ESR1: variants seen among roughly 807,000 people sequenced by gnomAD.
ESR1 encodes the protein estrogen receptor.
A neutral mutation model predicts 52.7 loss-of-function variants in ESR1; 12 were observed. That is an observed-to-expected ratio of 0.23 (90% CI 0.15 to 0.37). The LOEUF (loss-of-function observed/expected upper bound fraction) is 0.37, where lower values mean the gene tolerates loss of function less well. Ranked by LOEUF, ESR1 falls within the 10% of genes least tolerant of loss-of-function variation. The pLI, the probability that ESR1 is intolerant of heterozygous loss-of-function variation, is 1.00. For missense variants in ESR1, 584 were observed against 779.7 expected, an observed-to-expected ratio of 0.75 and a Z score of 2.99; for synonymous variants, 305 against 316.8, an observed-to-expected ratio of 0.96 and a Z score of 0.39.
At chr6:151,688,000 T>C (rs561853308), upstream of ESR1, among the ~76,000 whole-genome samples, 219 of 152,328 alleles carry the variant, frequency 1.4e-3, no homozygotes, top group African/African-American at 5.1e-3. Flanking sequence ...TCATTTAAAT[T>C]GTTGTTTTCT....
At chr6:151,960,374 C>G (rs143751635) in intron 4 of ESR1, among the ~76,000 whole-genome samples, 2 of 152,300 alleles carry the variant, frequency 1.3e-5, no homozygotes, top group Non-Finnish European at 2.9e-5. Flanking sequence ...GAGCTGGAGA[C>G]AGCAGTGCCA....
chr6:151,907,871 A>C (rs918512530), intron 3 of ESR1, among the ~76,000 whole-genome samples: 1 of 152,210 alleles, frequency 6.6e-6, no homozygotes, highest in Non-Finnish European at 1.5e-5. Context: ...CAAGCATCAC[A>C]AACTGTGATA....
At position 151,827,305 on chromosome 6, in the gene ESR1, G is replaced by A. The variant is rs1024207903; in HGVS notation, c.453-15292G>A. ...GTCCAGGAGGTGGAGGTTGCAGTGA[G>A]CTGAGATCATGTCAGGGTGACAGAG... On this transcript the variant is annotated intron_variant, in intron 1 of 7. Coordinates refer to ENST00000206249, the MANE Select transcript of ESR1 (RefSeq NM_000125.4). Among the ~76,000 whole-genome samples the A allele has an allele frequency of 2.4e-4, 36 of 147,168 alleles. 1 individual carries two copies. The highest frequency in any genetic ancestry group is 1.3e-4 in the Non-Finnish European group (9 of 67,402).
chr6:151,971,412 T>A (rs188474270), intron 4 of ESR1, among the ~76,000 whole-genome samples: 1 of 152,194 alleles, frequency 6.6e-6, no homozygotes, highest in Non-Finnish European at 1.5e-5. Context: ...ACCCATAGCT[T>A]AGCTCCCACT....
chr6:152,043,088 C>T (rs1208363122), intron 5 of ESR1, among the ~76,000 whole-genome samples: 1 of 152,158 alleles, frequency 6.6e-6, no homozygotes, highest in Non-Finnish European at 1.5e-5. Flanking sequence ...TCTGTACTCT[C>T]CCAGCTGGGA....
At chr6:151,992,334 A>T (rs1448486353) in intron 4 of ESR1, among the ~76,000 whole-genome samples, 1 of 152,096 alleles carries the variant, frequency 6.6e-6, no homozygotes, top group Non-Finnish European at 1.5e-5. Context: ...TCCTGCCCTC[A>T]GCCTCAGGAA....
upstream of ESR1, among the ~76,000 whole-genome samples, chr6:151,687,827 A>G (rs1410617442): frequency 6.6e-6 from 1 of 152,210 alleles, no homozygotes; most frequent in Non-Finnish European, 1.5e-5. Flanking sequence ...TTAAAAAAAT[A>G]AAGATGTAGT....
At chr6:151,683,261 G>C (rs776963013) in intron 1 of ESR1, among the ~76,000 whole-genome samples, 1 of 152,150 alleles carries the variant, frequency 6.6e-6, no homozygotes, top group South Asian at 2.1e-4. Flanking sequence ...TGTAGAGGGA[G>C]GTTTACAAGC....
intron 2 of ESR1, among the ~76,000 whole-genome samples, chr6:151,731,339 C>T (rs1782221920): frequency 6.6e-6 from 1 of 150,418 alleles, no homozygotes; most frequent in Non-Finnish European, 1.5e-5. Flanking sequence ...CTAGGTGACA[C>T]AGTGAGACTC....
chr6:151,955,890 G>A (rs964830029), intron 4 of ESR1, among the ~76,000 whole-genome samples: 3 of 151,796 alleles, frequency 2.0e-5, no homozygotes, highest in Non-Finnish European at 1.5e-5. Flanking sequence ...CCTCCCTCAC[G>A]TAGGCCCAGT....
chr6:151,753,682 T>C (rs534154906), intron 2 of ESR1, among the ~76,000 whole-genome samples: 91 of 152,344 alleles, frequency 6.0e-4, no homozygotes, highest in African/African-American at 2.2e-3. Flanking sequence ...GATATTGCCG[T>C]AGTGTTTCTA....
intron 2 of ESR1, among the ~76,000 whole-genome samples, chr6:151,711,314 C>T (rs200031879): frequency 2.6e-5 from 4 of 152,074 alleles, no homozygotes; most frequent in African/African-American, 4.8e-5. Context: ...CTCCACCTCC[C>T]GGGTTCATGC....
chr6:152,073,058 A>G (rs897045990), intron 6 of ESR1, among the ~76,000 whole-genome samples: 9 of 152,252 alleles, frequency 5.9e-5, no homozygotes, highest in Non-Finnish European at 1.2e-4. Context: ...TAGTGATAAC[A>G]TGCCAGAGGC....
In ESR1 at chr6:152,125,422, T is replaced by C. The variant is rs2053059733; in HGVS notation, c.*74T>C. On this transcript the variant is annotated 3_prime_UTR_variant, in exon 7 of 7. Transcript: ENST00000427531. ...TGTGTGGACGTGGGGACATTTTGTTTTGAGGCAGTTACATGACCATGGGCA... is the reference window on the plus strand; with the variant it reads ...TGTGTGGACGTGGGGACATTTTGTTCTGAGGCAGTTACATGACCATGGGCA... 4 of 1,491,464 alleles carry C rather than the reference T, an allele frequency of 2.7e-6. No homozygotes were observed. The South Asian group carries it at 5.3e-5, about 20-fold the overall frequency. The allele number at this position is 1,491,464 out of a possible 1,614,324, so 92.4% of individuals were successfully genotyped here. A position where few individuals can be genotyped will look rare whatever the true frequency, so the allele number is the denominator to read the frequency against.
At chr6:152,114,157 C>T (rs897086086) in intron 6 of ESR1, among the ~76,000 whole-genome samples, 3 of 152,106 alleles carry the variant, frequency 2.0e-5, no homozygotes, top group African/African-American at 7.2e-5. Flanking sequence ...CAGATTTCAA[C>T]GCAGAAGGAA....
At chr6:152,082,830 G>T (rs551848520) in intron 6 of ESR1, among the ~76,000 whole-genome samples, 23 of 152,268 alleles carry the variant, frequency 1.5e-4, no homozygotes, top group African/African-American at 5.5e-4. Flanking sequence ...TAGACAAACA[G>T]AGAGCCAAAT....
At chr6:151,668,406 G>C (rs1480799337) in intron 1 of ESR1, among the ~76,000 whole-genome samples, 2 of 152,080 alleles carry the variant, frequency 1.3e-5, no homozygotes, top group African/African-American at 4.8e-5. Context: ...AGCCTCCTGA[G>C]TAGCTGGGAC....
chr6:151,679,825 T>G (rs145954317), intron 1 of ESR1, among the ~76,000 whole-genome samples: 15 of 152,288 alleles, frequency 9.8e-5, no homozygotes, highest in African/African-American at 3.4e-4. Context: ...TCTGAGCTGT[T>G]TATGTCCAGA....
intron 1 of ESR1, among the ~76,000 whole-genome samples, chr6:151,818,322 GC>G (rs1285163674): frequency 6.6e-6 from 1 of 152,130 alleles, no homozygotes; most frequent in African/African-American, 2.4e-5. Flanking sequence ...CTCCTCTAGT[GC>G]CCACACTACT....
Sources: allele counts gnomAD v4.1 joint callset (sites outside exome capture counted in the v4.1 genomes callset), GRCh38; gene constraint gnomAD v4.1.1; transcripts MANE v1.5; gene names NCBI Gene and HGNC (gene_info 2026-07-23, HGNC 2026-07-21).